Variants in MS4A13 observed in about 807,000 individuals in gnomAD.
The protein encoded by MS4A13 is membrane spanning 4-domains A13, also known as membrane-spanning 4-domains subfamily A member 13.
MS4A13 carries 21 observed loss-of-function variants against 18.4 expected under a neutral mutation model. That is an observed-to-expected ratio of 1.14 (90% CI 0.81 to 1.64). The LOEUF is 1.64. Ranked by LOEUF, MS4A13 falls within the 40% of genes most tolerant of loss-of-function variation. The pLI, the probability that MS4A13 is intolerant of heterozygous loss-of-function variation, is 0.00. For missense variants in MS4A13, 173 were observed against 176.8 expected, an observed-to-expected ratio of 0.98 and a Z score of 0.12; for synonymous variants, 62 against 57.2, an observed-to-expected ratio of 1.08 and a Z score of -0.38.
intron 3 of MS4A13, among the ~76,000 whole-genome samples, chr11:60,520,840 G>C (rs985898396): frequency 6.6e-6 from 1 of 152,166 alleles, no homozygotes; most frequent in Admixed American, 6.5e-5. Context: ...TGGCAGCTCC[G>C]ACCCCACATT....
At chr11:60,527,111 C>G (rs2086718436) in intron 5 of MS4A13, among the ~76,000 whole-genome samples, 1 of 152,202 alleles carries the variant, frequency 6.6e-6, no homozygotes, top group South Asian at 2.1e-4. Context: ...AAGTACTATA[C>G]TGCAAGACTC....
At chr11:60,538,771 G>A (rs1436697336) in intron 6 of MS4A13, among the ~76,000 whole-genome samples, 1 of 140,948 alleles carries the variant, frequency 7.1e-6, no homozygotes, top group Non-Finnish European at 1.5e-5. Flanking sequence ...AATTATCTGG[G>A]TAGGCCTAAT....
chr11:60,520,737 C>T (rs990603667), intron 3 of MS4A13, among the ~76,000 whole-genome samples: 1 of 152,214 alleles, frequency 6.6e-6, no homozygotes, highest in Non-Finnish European at 1.5e-5. Flanking sequence ...GCACACGGTG[C>T]AAGCTGTCAG....
At chr11:60,531,465 AC>A (rs2086766286) in intron 6 of MS4A13, among the ~76,000 whole-genome samples, 1 of 152,204 alleles carries the variant, frequency 6.6e-6, no homozygotes, top group South Asian at 2.1e-4. Flanking sequence ...CCTTGGTTGA[AC>A]AAGAGGCCTT....
chr11:60,538,028 G>A lies in MS4A13; in HGVS notation c.403-4491G>A, dbSNP rs1347983610. Among the ~76,000 whole-genome samples, 878 of 126,316 alleles carry A rather than the reference G, an allele frequency of 7.0e-3. 11 individuals carry two copies. The highest frequency in any genetic ancestry group is 0.025 in the African/African-American group (834 of 33,320). The allele number at this position is 126,316 out of a possible 152,430, so 82.9% of individuals were successfully genotyped here. A position where few individuals can be genotyped will look rare whatever the true frequency, so the allele number is the denominator to read the frequency against. ...AATATCACACTCTGGGGACTGTGGT[G>A]GGGTCGGGGGAGGGGGGAGGGATGG... is the stretch of plus-strand genomic sequence containing the variant. On this transcript the variant is annotated intron_variant, in intron 6 of 6. Transcript: ENST00000378186.
intron 3 of MS4A13, 49 bp downstream of exon 3, chr11:60,518,261 C>A: frequency 1.4e-6 from 2 of 1,464,734 alleles, no homozygotes; most frequent in South Asian, 1.4e-5. Context: ...AAATAATATT[C>A]ATGCCAATAG....
Position 60,518,055 on chromosome 11 carries a change from T to G in MS4A13, c.-12-17T>G, listed in dbSNP as rs10897078. Reference sequence around the variant, plus strand: ...AAATTACATTATTTCGGTACTAACATAATTCTCTTCTCACAGACTATCCAG... The same window carrying G: ...AAATTACATTATTTCGGTACTAACAGAATTCTCTTCTCACAGACTATCCAG... On this transcript the variant is annotated splice_polypyrimidine_tract_variant and intron_variant, in intron 2 of 6. Coordinates refer to ENST00000378186, the MANE Select transcript of MS4A13 (RefSeq NM_001012417.3). 0.15 allele frequency: 227,792 copies of G among 1,545,514 alleles called. 21,006 individuals carry two copies. The highest frequency in any genetic ancestry group is 0.33 in the African/African-American group (23,542 of 72,400).
At chr11:60,517,547 T>A (rs1334247928) in intron 2 of MS4A13, among the ~76,000 whole-genome samples, 1 of 152,180 alleles carries the variant, frequency 6.6e-6, no homozygotes, top group Non-Finnish European at 1.5e-5. Context: ...TCTGTATTGC[T>A]GTGTTGGATT....
rs199805573 is a variant in MS4A13, at chr11:60,518,221, A to G, written c.129+9A>G. On this transcript the variant is annotated intron_variant, in intron 3 of 6. Coordinates refer to ENST00000378186, the MANE Select transcript of MS4A13 (RefSeq NM_001012417.3). ...CTTTATGGGGAATTTTTGTGAGTAG[A>G]ATACATATATATTGCTTTAATCATA... is the stretch of plus-strand genomic sequence containing the variant. 5.2e-5 allele frequency: 83 copies of G among 1,600,300 alleles called. No individual in the cohort carries two copies. Among genetic ancestry groups the G allele is most frequent in the Non-Finnish European group, 6.8e-5 (80 of 1,171,952 alleles).
intron 5 of MS4A13, among the ~76,000 whole-genome samples, chr11:60,527,406 C>CTTTGTGTGTG (rs1408422219): frequency 2.2e-5 from 1 of 46,084 alleles, no homozygotes; most frequent in Non-Finnish European, 3.9e-5. Flanking sequence ...CTCTCTCTCT[C>CTTTGTGTGTG]TCTCTGTGTG....
At chr11:60,536,472 T>C (rs2086809549) in intron 6 of MS4A13, among the ~76,000 whole-genome samples, 1 of 42,516 alleles carries the variant, frequency 2.4e-5, no homozygotes, top group Non-Finnish European at 4.9e-5. Flanking sequence ...TTACAAGGGA[T>C]GTGAAGGACC....
At chr11:60,518,597 C>A (rs1027582793) in intron 3 of MS4A13, among the ~76,000 whole-genome samples, 1 of 152,200 alleles carries the variant, frequency 6.6e-6, no homozygotes, top group East Asian at 1.9e-4. Context: ...TACTAACACT[C>A]TCCTGTGGTT....
chr11:60,540,485 A>G (rs1028521932), intron 6 of MS4A13, among the ~76,000 whole-genome samples: 2 of 152,216 alleles, frequency 1.3e-5, no homozygotes, highest in Admixed American at 1.3e-4. Context: ...AATGAGTTAT[A>G]TGGGAATAAA....
At chr11:60,525,500 A>G (rs2086707787) in intron 5 of MS4A13, among the ~76,000 whole-genome samples, 174 bp downstream of exon 5, 1 of 152,244 alleles carries the variant, frequency 6.6e-6, no homozygotes, top group South Asian at 2.1e-4. Flanking sequence ...TGTGAGTTTT[A>G]GTAAATATTA....
At chr11:60,524,346 A>G (rs770138370) in intron 4 of MS4A13, among the ~76,000 whole-genome samples, 4 of 152,204 alleles carry the variant, frequency 2.6e-5, no homozygotes, top group Admixed American at 6.5e-5. Context: ...CAAAGTACAG[A>G]ATTGGTCCAG....
chr11:60,542,889 A>G (rs1565217826), downstream of MS4A13, among the ~76,000 whole-genome samples: 2 of 152,284 alleles, frequency 1.3e-5, no homozygotes, highest in South Asian at 4.1e-4. Context: ...CTCTAGAGTG[A>G]AGGCTATAAA....
At chr11:60,519,002 C>T (rs1193343286) in intron 3 of MS4A13, among the ~76,000 whole-genome samples, 1 of 152,124 alleles carries the variant, frequency 6.6e-6, no homozygotes, top group Non-Finnish European at 1.5e-5. Context: ...AGCATCATAT[C>T]CTTTGTTGAG....
At chr11:60,542,067 C>T (rs1378468638) in intron 6 of MS4A13, among the ~76,000 whole-genome samples, 14 of 149,894 alleles carry the variant, frequency 9.3e-5, no homozygotes, top group Non-Finnish European at 2.1e-4. Context: ...GAGATCGCAC[C>T]ACTGCACTCC....
intron 5 of MS4A13, among the ~76,000 whole-genome samples, chr11:60,528,180 T>C (rs1250230775): frequency 6.6e-6 from 1 of 152,204 alleles, no homozygotes; most frequent in African/African-American, 2.4e-5. Flanking sequence ...ACTCTACTGG[T>C]TGTATTTTAT....
Sources: gnomAD v4.1 joint callset for allele counts (sites outside exome capture counted in the v4.1 genomes callset) on GRCh38, gnomAD v4.1.1 for gene constraint, MANE v1.5 for transcripts, NCBI Gene and HGNC (gene_info 2026-07-23, HGNC 2026-07-21) for gene names.